EPHA3: variants seen among roughly 807,000 people sequenced by gnomAD.
EPHA3 encodes the protein ephrin type-A receptor 3.
EPHA3 carries 42 observed loss-of-function variants against 107.1 expected under a neutral mutation model. That is an observed-to-expected ratio of 0.39 (90% CI 0.31 to 0.51). The LOEUF is 0.51. Among genes scored for constraint, EPHA3 ranks in the 20% least tolerant of loss-of-function variants. The probability of loss-of-function intolerance (pLI) is 0.78; values close to 1 mark genes in which losing one functional copy is unlikely to be tolerated. For missense variants in EPHA3, 1,183 were observed against 1,211.2 expected, an observed-to-expected ratio of 0.98 and a Z score of 0.35; for synonymous variants, 461 against 424.8, an observed-to-expected ratio of 1.09 and a Z score of -1.05.
At chr3:89,439,959 T>C (rs143904855) in intron 13 of EPHA3, among the ~76,000 whole-genome samples, 1 of 152,188 alleles carries the variant, frequency 6.6e-6, no homozygotes. Context: ...GTATTTCAAG[T>C]AATGCTTAAT....
chr3:89,274,108 A>C lies in EPHA3; in HGVS notation c.814+63588A>C, dbSNP rs538929975. ...TGTCTACAAATGACTAGAAAGTGCC[A>C]CAAGTATTGACTTTTGGGTCACAAA... On this transcript the variant is annotated intron_variant, in intron 3 of 16. Transcript: ENST00000336596. Among the ~76,000 whole-genome samples, 12 of 152,104 alleles carry C rather than the reference A, an allele frequency of 7.9e-5. No homozygotes were observed. The East Asian group carries it at 2.1e-3, about 27-fold the overall frequency.
intron 15 of EPHA3, among the ~76,000 whole-genome samples, chr3:89,453,477 G>T (rs1234647578): frequency 2.6e-5 from 4 of 151,052 alleles, no homozygotes; most frequent in African/African-American, 9.7e-5. Flanking sequence ...GATGTATTTT[G>T]TCATAAAACA....
chr3:89,198,272 G>A (rs1190170722), intron 2 of EPHA3, among the ~76,000 whole-genome samples: 1 of 152,142 alleles, frequency 6.6e-6, no homozygotes, highest in Non-Finnish European at 1.5e-5. Flanking sequence ...TTTATTTGCT[G>A]CTTCCCAAGT....
At chr3:89,357,444 T>C (rs1707991389) in intron 5 of EPHA3, among the ~76,000 whole-genome samples, 1 of 151,110 alleles carries the variant, frequency 6.6e-6, no homozygotes, top group African/African-American at 2.4e-5. Context: ...ACCATAGATA[T>C]TTTAAAGAAA....
rs554009805 is a variant in EPHA3 at position 89,137,237 on chromosome 3, G to A, written c.153+9964G>A. Among the ~76,000 whole-genome samples the A allele has an allele frequency of 4.8e-3, 735 of 151,878 alleles. 5 individuals are homozygous for A. Among genetic ancestry groups the A allele is most frequent in the African/African-American group, 0.017 (701 of 41,488 alleles). On this transcript the variant is annotated intron_variant, in intron 2 of 16. Transcript: ENST00000336596. ...TTTTCAAGCTTCCAAATGTTCTTTT[G>A]TATGAAGGATATAAGAACAAGATAC...
At chr3:89,399,856 T>A (rs1708923669) in intron 7 of EPHA3, 2 of 1,081,014 alleles carry the variant, frequency 1.9e-6, no homozygotes, top group African/African-American at 3.3e-5. Flanking sequence ...AGAAACTTGC[T>A]GATCCATGAG....
At chr3:89,146,534 G>T (rs1704562392) in intron 2 of EPHA3, among the ~76,000 whole-genome samples, 1 of 151,828 alleles carries the variant, frequency 6.6e-6, no homozygotes, top group South Asian at 2.1e-4. Context: ...TGTAGATTCT[G>T]GATATTAGAC....
chr3:89,114,698 G>C (rs1232673940), intron 1 of EPHA3, among the ~76,000 whole-genome samples: 2 of 151,990 alleles, frequency 1.3e-5, no homozygotes, highest in African/African-American at 4.8e-5. Context: ...TGTAGCGAGC[G>C]GAGAGCGAAG....
chr3:89,377,837 C>CT lies in EPHA3; in HGVS notation c.1307-17993dup, dbSNP rs1182909291. Among the ~76,000 whole-genome samples the CT allele has an allele frequency of 3.3e-5, 5 of 151,972 alleles. No individual in the cohort carries two copies. In the South Asian group the frequency reaches 1.0e-3, roughly 32 times the overall value. On this transcript the variant is annotated intron_variant, in intron 5 of 16. Coordinates refer to ENST00000336596, the MANE Select transcript of EPHA3 (RefSeq NM_005233.6). ...GCTTATATAATAGTTTCATACAGAT[C>CT]TTTTTTTCAACAAATGGCTCTGAAA...
chr3:89,109,821 T>G (rs1707057996), intron 1 of EPHA3, among the ~76,000 whole-genome samples: 1 of 152,036 alleles, frequency 6.6e-6, no homozygotes, highest in Non-Finnish European at 1.5e-5. Context: ...GATGAAAGTT[T>G]ATCCATCATT....
At chr3:89,162,478 C>G (rs1474961488) in intron 2 of EPHA3, among the ~76,000 whole-genome samples, 1 of 152,188 alleles carries the variant, frequency 6.6e-6, no homozygotes, top group Non-Finnish European at 1.5e-5. Context: ...TGTTCCTTCA[C>G]TCAGTATTGT....
intron 3 of EPHA3, among the ~76,000 whole-genome samples, chr3:89,326,961 T>G (rs757042097): frequency 3.9e-5 from 6 of 152,140 alleles, no homozygotes; most frequent in Non-Finnish European, 7.4e-5. Context: ...ATAGGACATG[T>G]GATAATGGAG....
intron 3 of EPHA3, among the ~76,000 whole-genome samples, chr3:89,338,339 A>G (rs1477862246): frequency 6.6e-6 from 1 of 152,120 alleles, no homozygotes; most frequent in Non-Finnish European, 1.5e-5. Flanking sequence ...TCTACTATCT[A>G]TGTATGATCT....
intron 5 of EPHA3, among the ~76,000 whole-genome samples, chr3:89,370,276 G>A (rs1708271751): frequency 6.6e-6 from 1 of 151,504 alleles, no homozygotes; most frequent in Non-Finnish European, 1.5e-5. Context: ...AACAATGATA[G>A]ACTGGATTAA....
At chr3:89,413,914 A>G (rs1709200780) in intron 10 of EPHA3, among the ~76,000 whole-genome samples, 1 of 151,678 alleles carries the variant, frequency 6.6e-6, no homozygotes, top group Non-Finnish European at 1.5e-5. Context: ...ATATTTGTAA[A>G]ATAACAGTAT....
rs1450215218 is a variant in EPHA3, at chr3:89,413,144, A to T, written c.1766A>T (p.Lys589Ile). Residue 589 changes from lysine (K) to isoleucine (I), a missense_variant, in exon 10 of 17, where the codon AAA becomes ATA. By Grantham distance (102) the Lys-to-Ile change is moderately radical. Coordinates refer to ENST00000336596, the MANE Select transcript of EPHA3 (RefSeq NM_005233.6). Reference protein sequence around the residue: ...KRLHFGNGHLKLPGLRTYVDP... With the variant: ...KRLHFGNGHLILPGLRTYVDP... Reference sequence around the variant, plus strand: ...CTTTCTTTCTTTCCTCAAACAGTAAAACTTCCAGGTCTCAGGACTTATGTT... The same window carrying T: ...CTTTCTTTCTTTCCTCAAACAGTAATACTTCCAGGTCTCAGGACTTATGTT... The T allele has an allele frequency of 6.2e-7, 1 of 1,610,692 alleles. No homozygotes were observed. The highest frequency in any genetic ancestry group is 1.3e-5 in the African/African-American group (1 of 74,620).
chr3:89,353,791 G>A (rs1167552617), intron 5 of EPHA3, among the ~76,000 whole-genome samples: 1 of 151,210 alleles, frequency 6.6e-6, no homozygotes, highest in African/African-American at 2.4e-5. Flanking sequence ...ACCCTTATAT[G>A]AGCTTAGAGG....
intron 2 of EPHA3, among the ~76,000 whole-genome samples, chr3:89,145,935 T>TA (rs914417978): frequency 6.6e-6 from 1 of 151,782 alleles, no homozygotes; most frequent in Admixed American, 6.6e-5. Context: ...ATCAAAATAA[T>TA]AAAAAAATGA....
chr3:89,394,642 C>T (rs1022702482), intron 5 of EPHA3, among the ~76,000 whole-genome samples: 2 of 152,054 alleles, frequency 1.3e-5, no homozygotes, highest in African/African-American at 4.8e-5. Context: ...AATGAGAGGT[C>T]GGATGCAAAA....
Sources: allele counts gnomAD v4.1 joint callset (sites outside exome capture counted in the v4.1 genomes callset), GRCh38; gene constraint gnomAD v4.1.1; transcripts MANE v1.5; gene names NCBI Gene and HGNC (gene_info 2026-07-23, HGNC 2026-07-21).